CDKL4: variants seen among roughly 807,000 people sequenced by gnomAD.
CDKL4 encodes cyclin dependent kinase like 4.
In CDKL4, 44 loss-of-function variants were observed where a neutral mutation model predicts 42.0. That is an observed-to-expected ratio of 1.05 (90% CI 0.82 to 1.35). The LOEUF is 1.35. Ranked by LOEUF, CDKL4 falls within the 40% of genes most tolerant of loss-of-function variation. The pLI is 0.00. For missense variants in CDKL4, 393 were observed against 369.9 expected (o/e 1.06, Z -0.51); for synonymous variants, 120 against 121.6 (o/e 0.99, Z 0.09).
chr2:39,171,011 G>T (rs1468500445), downstream of CDKL4, among the ~76,000 whole-genome samples: 1 of 151,978 alleles, frequency 6.6e-6, no homozygotes, highest in Non-Finnish European at 1.5e-5. Flanking sequence ...GCCAAGGTGG[G>T]GTGGATCACT....
intron 8 of CDKL4, among the ~76,000 whole-genome samples, chr2:39,182,520 T>G (rs1285045846): frequency 6.6e-6 from 1 of 152,170 alleles, no homozygotes; most frequent in African/African-American, 2.4e-5. Flanking sequence ...ATTAATAACT[T>G]TCTGTATATC....
intron 4 of CDKL4, among the ~76,000 whole-genome samples, chr2:39,212,476 G>A (rs915167481): frequency 4.6e-5 from 7 of 151,766 alleles, no homozygotes; most frequent in South Asian, 2.1e-4. Context: ...TTCGTGATCC[G>A]CCTGCCTCGG....
At chr2:39,173,666 C>T (rs914005933), downstream of CDKL4, among the ~76,000 whole-genome samples, 1 of 151,940 alleles carries the variant, frequency 6.6e-6, no homozygotes, top group African/African-American at 2.4e-5. Context: ...AACAATTAGT[C>T]GGGCGTGGTG....
At chr2:39,204,089 C>G (rs975051894) in intron 5 of CDKL4, among the ~76,000 whole-genome samples, 1 of 152,162 alleles carries the variant, frequency 6.6e-6, no homozygotes. Context: ...TCTGAATCCT[C>G]TCTCTTTAAT....
intron 1 of CDKL4, among the ~76,000 whole-genome samples, chr2:39,233,505 C>A (rs1470804504): frequency 6.6e-6 from 1 of 152,100 alleles, no homozygotes; most frequent in Admixed American, 6.6e-5. Flanking sequence ...GCATGCGAAT[C>A]CTCCCATCAC....
intron 3 of CDKL4, among the ~76,000 whole-genome samples, chr2:39,224,164 T>C (rs1004597204): frequency 9.2e-5 from 14 of 152,222 alleles, no homozygotes; most frequent in Middle Eastern, 3.2e-3. Flanking sequence ...ATTTTAGTTT[T>C]GTTTATGGTA....
At chr2:39,198,480 C>T (rs865874636) in intron 5 of CDKL4, among the ~76,000 whole-genome samples, 1 of 152,086 alleles carries the variant, frequency 6.6e-6, no homozygotes, top group Non-Finnish European at 1.5e-5. Flanking sequence ...CTATATCCTA[C>T]AACAAATGGA....
chr2:39,195,522 G>A (rs1247057655), intron 5 of CDKL4, among the ~76,000 whole-genome samples: 1 of 151,966 alleles, frequency 6.6e-6, no homozygotes, highest in Non-Finnish European at 1.5e-5. Context: ...GGTGCAAAGT[G>A]GTATCTAACT....
At position 39,229,570 on chromosome 2, in the gene CDKL4, T is replaced by C. The variant is rs777104027; in HGVS notation, c.-38A>G. 21 of 1,524,420 alleles carry C rather than the reference T, an allele frequency of 1.4e-5. No homozygotes were observed. The Admixed American group carries it at 3.8e-4, about 27-fold the overall frequency. The allele number at this position is 1,524,420 out of a possible 1,614,324, so 94.4% of individuals were successfully genotyped here. ...GACTTAAATTATTGTATCGATTGAC[T>C]TGCAGTACAATGCTGCACCTGGAAA... is the stretch of plus-strand genomic sequence containing the variant. On this transcript the variant is annotated 5_prime_UTR_variant, in exon 2 of 10. Transcript: ENST00000451199.
At chr2:39,233,229 C>T (rs941192311) in intron 1 of CDKL4, among the ~76,000 whole-genome samples, 1 of 151,920 alleles carries the variant, frequency 6.6e-6, no homozygotes, top group Non-Finnish European at 1.5e-5. Context: ...GACTTAAGAT[C>T]ACCTCCTTCC....
intron 3 of CDKL4, among the ~76,000 whole-genome samples, chr2:39,222,150 T>C (rs1327886828): frequency 6.6e-6 from 1 of 152,162 alleles, no homozygotes; most frequent in African/African-American, 2.4e-5. Context: ...AGAGAGAGTA[T>C]GCACATAAAA....
intron 8 of CDKL4, among the ~76,000 whole-genome samples, chr2:39,180,461 T>C (rs1268298014): frequency 1.3e-5 from 2 of 152,194 alleles, no homozygotes; most frequent in African/African-American, 4.8e-5. Context: ...TGCCTGCCCC[T>C]AAGCAGTGTC....
At chr2:39,186,904 G>T (rs1481846470) in intron 7 of CDKL4, among the ~76,000 whole-genome samples, 1 of 152,060 alleles carries the variant, frequency 6.6e-6, no homozygotes, top group Admixed American at 6.5e-5. Flanking sequence ...ATTAATTTTT[G>T]AATAGATAAG....
chr2:39,180,006 G>T (rs1479245883), intron 8 of CDKL4, among the ~76,000 whole-genome samples: 1 of 152,102 alleles, frequency 6.6e-6, no homozygotes, highest in African/African-American at 2.4e-5. Flanking sequence ...CAGCAGAGGG[G>T]TCAGTGGGGG....
chr2:39,170,122 C>A, the CDKL4 span, among the ~76,000 whole-genome samples: 1 of 151,926 alleles, frequency 6.6e-6, no homozygotes, highest in Non-Finnish European at 1.5e-5. Context: ...CCTCGGCCTC[C>A]CAAAGTGCTA....
At chr2:39,178,538 C>T (rs1382061943) in intron 9 of CDKL4, 4 of 1,550,436 alleles carry the variant, frequency 2.6e-6, no homozygotes, top group Non-Finnish European at 2.6e-6. Flanking sequence ...AAACCTATTT[C>T]CATGGAGTTT....
intron 4 of CDKL4, among the ~76,000 whole-genome samples, chr2:39,205,758 TCA>T (rs1491511518): frequency 1.5e-4 from 1 of 6,608 alleles, no homozygotes; most frequent in African/African-American, 2.7e-4. Context: ...AGACTCCGTC[TCA>T]AAAAAAAAAA....
chr2:39,180,095 G>C (rs1238543420), intron 8 of CDKL4, among the ~76,000 whole-genome samples: 1 of 152,130 alleles, frequency 6.6e-6, no homozygotes, highest in Non-Finnish European at 1.5e-5. Flanking sequence ...AATAAACACA[G>C]ATTATGATCC....
chr2:39,239,887 C>T (rs1479138962), intron 1 of CDKL4, among the ~76,000 whole-genome samples: 1 of 151,404 alleles, frequency 6.6e-6, no homozygotes, highest in Non-Finnish European at 1.5e-5. Context: ...CTCAGGAGTT[C>T]AAGACCAGCC....
Sources: gnomAD v4.1 joint callset for allele counts (sites outside exome capture counted in the v4.1 genomes callset) on GRCh38, gnomAD v4.1.1 for gene constraint, MANE v1.5 for transcripts, NCBI Gene and HGNC (gene_info 2026-07-23, HGNC 2026-07-21) for gene names.